Variants in NPC1 observed in about 807,000 individuals in gnomAD.
NPC1 encodes Niemann-Pick C1 protein.
Under a neutral mutation model 140.4 loss-of-function variants are expected in NPC1, and 85 were observed. The ratio of observed to expected loss-of-function variants is 0.61; its 90% CI spans 0.51 to 0.72. The LOEUF is 0.72. Ranked by LOEUF, NPC1 falls within the 30% of genes least tolerant of loss-of-function variation. The pLI is 0.00. For synonymous variants in NPC1, 656 were observed against 624.8 expected (o/e 1.05, Z -0.74); for missense variants, 1,504 against 1,623.8 (o/e 0.93, Z 1.27).
At chr18:23,572,780 C>T (rs1369851470) in intron 2 of NPC1, among the ~76,000 whole-genome samples, 1 of 152,188 alleles carries the variant, frequency 6.6e-6, no homozygotes, top group Non-Finnish European at 1.5e-5. Flanking sequence ...ACACAGTGAG[C>T]CGTGATTGTG....
intron 4 of NPC1, among the ~76,000 whole-genome samples, chr18:23,568,115 A>T (rs1032464416): frequency 4.0e-5 from 6 of 150,118 alleles, no homozygotes; most frequent in African/African-American, 1.5e-4. Context: ...CTATTTTCTC[A>T]TCTCATTTAT....
chr18:23,536,972 G>T, intron 20 of NPC1, 96 bp from the exon 21 acceptor site: 1 of 939,744 alleles, frequency 1.1e-6, no homozygotes, highest in African/African-American at 1.6e-5. Flanking sequence ...CCTGACCCTG[G>T]ACTCAGAGGT....
chr18:23,527,700 C>T (rs940462988), downstream of NPC1: 4 of 884,242 alleles, frequency 4.5e-6, no homozygotes, highest in Non-Finnish European at 7.1e-6. Context: ...GCATTGGTAA[C>T]CTTTTGAGAT....
At position 23,532,148 on chromosome 18, in the gene NPC1, T is replaced by C. The variant is rs750425449; in HGVS notation, c.*54A>G. 154 of 1,613,970 alleles carry C rather than the reference T, an allele frequency of 9.5e-5. No homozygotes were observed. Among genetic ancestry groups the C allele is most frequent in the Non-Finnish European group, 1.2e-4 (145 of 1,180,030 alleles). ...CCTTGCCGATGCAGCACCCGTCCAG[T>C]GGTAAACCGACCGACCCTTAGACAC... On this transcript the variant is annotated 3_prime_UTR_variant, in exon 25 of 25. Coordinates refer to ENST00000269228, the MANE Select transcript of NPC1 (RefSeq NM_000271.5).
downstream of NPC1, chr18:23,526,672 A>G (rs767664092): frequency 1.9e-6 from 3 of 1,614,190 alleles, no homozygotes; most frequent in South Asian, 3.3e-5. Flanking sequence ...ACTTGAGCCC[A>G]TAGTAAATCT....
intron 1 of NPC1, among the ~76,000 whole-genome samples, chr18:23,581,212 C>T (rs2059351880): frequency 6.6e-6 from 1 of 152,186 alleles, no homozygotes; most frequent in Non-Finnish European, 1.5e-5. Flanking sequence ...GGAATGTTCA[C>T]AGTGTGGTGA....
At chr18:23,541,707 T>C (rs1346525164) in intron 14 of NPC1, among the ~76,000 whole-genome samples, 1 of 152,214 alleles carries the variant, frequency 6.6e-6, no homozygotes, top group Non-Finnish European at 1.5e-5. Context: ...TCACAGCAAA[T>C]TCACACACAT....
intron 3 of NPC1, among the ~76,000 whole-genome samples, chr18:23,517,144 T>C (rs913563457): frequency 2.0e-5 from 3 of 152,152 alleles, no homozygotes; most frequent in Non-Finnish European, 4.4e-5. Flanking sequence ...ATATTTTCTT[T>C]TACTTTTTTT....
At chr18:23,532,728 T>C (rs908932895) in intron 24 of NPC1, among the ~76,000 whole-genome samples, 35 of 148,890 alleles carry the variant, frequency 2.4e-4, no homozygotes, top group African/African-American at 8.7e-4. Flanking sequence ...AAGGAACTAG[T>C]ATATTAGATT....
intron 6 of NPC1, among the ~76,000 whole-genome samples, chr18:23,559,861 T>G (rs111614202): frequency 0.039 from 5,874 of 152,048 alleles, 341 homozygotes; most frequent in African/African-American, 0.13. Flanking sequence ...AGGAGGCTGA[T>G]GCAGGGGAAT....
At chr18:23,524,557 G>GT, downstream of NPC1, 3 of 1,474,884 alleles carry the variant, frequency 2.0e-6, no homozygotes, top group South Asian at 3.4e-5. Flanking sequence ...AGCCAGGGAC[G>GT]TTTTCAAGGT....
downstream of NPC1, among the ~76,000 whole-genome samples, chr18:23,528,054 A>G (rs1020133852): frequency 4.0e-5 from 6 of 151,572 alleles, no homozygotes; most frequent in Non-Finnish European, 4.4e-5. Flanking sequence ...GTAGTGGGGG[A>G]TAGTGGAGGA....
In NPC1 at chr18:23,541,249, G is replaced by A. The variant is rs113038890; in HGVS notation, c.2374-41C>T. ...GAAACAAAGGTTATACCCGCTAGCT[G>A]CTTCCTCTAGATTCTAGACTCAAAT... On this transcript the variant is annotated intron_variant, in intron 15 of 24. Transcript: ENST00000269228. 267 of 1,614,192 alleles carry A rather than the reference G, an allele frequency of 1.7e-4. No homozygotes were observed. The African/African-American group carries it at 2.8e-3, about 17-fold the overall frequency.
chr18:23,521,475 T>C (rs1439043406), downstream of NPC1, among the ~76,000 whole-genome samples: 3 of 152,350 alleles, frequency 2.0e-5, no homozygotes, highest in African/African-American at 7.2e-5. Flanking sequence ...TATTGCATTC[T>C]TTGGGACTGA....
At chr18:23,577,074 A>C (rs2059294063) in intron 1 of NPC1, 1 of 152,022 alleles carries the variant, frequency 6.6e-6, no homozygotes, top group Admixed American at 6.5e-5. Flanking sequence ...CCTGAGCTAG[A>C]TACAAAGGTT....
intron 3 of NPC1, chr18:23,507,002 A>C: frequency 6.2e-7 from 1 of 1,609,890 alleles, no homozygotes; most frequent in Non-Finnish European, 8.5e-7. Context: ...AAGTGCATTA[A>C]GTTTTCCTTA....
intron 9 of NPC1, among the ~76,000 whole-genome samples, chr18:23,554,250 C>CT (rs1254464648): frequency 6.6e-6 from 1 of 152,172 alleles, no homozygotes; most frequent in African/African-American, 2.4e-5. Context: ...CCTCATAGCA[C>CT]TAATCTCTAG....
chr18:23,537,963 C>T (rs774057412), intron 20 of NPC1, among the ~76,000 whole-genome samples: 3 of 152,176 alleles, frequency 2.0e-5, no homozygotes, highest in African/African-American at 2.4e-5. Flanking sequence ...TCTTCCACCT[C>T]CCAAAGCTTC....
Position 23,532,240 on chromosome 18 carries a change from A to G in NPC1, c.3799T>C (p.Tyr1267His). Residue 1267 changes from tyrosine to histidine, a missense_variant, in exon 25 of 25, where the codon TAC (tyrosine) becomes CAC (histidine). Physicochemically the swap from Tyr to His is moderately conservative, Grantham distance 83 (BLOSUM62 2). Coordinates refer to ENST00000269228, the MANE Select transcript of NPC1 (RefSeq NM_000271.5). ...AGCCGTTCGCGCTCTGTTCCTTTGT[A>G]TCGCTCTTCAGTGGCACAACTTTTG... ...KAKSCATEER[Y>H]KGTERERLLN... 6.2e-7 allele frequency: 1 copy of G among 1,614,094 alleles called. No individual in the cohort carries two copies. The highest frequency in any genetic ancestry group is 8.5e-7 in the Non-Finnish European group (1 of 1,180,028).
Sources: allele counts gnomAD v4.1 joint callset (sites outside exome capture counted in the v4.1 genomes callset), GRCh38; gene constraint gnomAD v4.1.1; transcripts MANE v1.5; gene names NCBI Gene and HGNC (gene_info 2026-07-23, HGNC 2026-07-21).